ADGRL3: variants seen among roughly 807,000 people sequenced by gnomAD.
ADGRL3 encodes the protein adhesion G protein-coupled receptor L3.
In ADGRL3, 62 loss-of-function variants were observed where a neutral mutation model predicts 153.5. The ratio of observed to expected loss-of-function variants is 0.40; its 90% CI spans 0.33 to 0.50. ADGRL3 has a LOEUF of 0.50. ADGRL3 is among the 20% of genes least tolerant of loss of function. ADGRL3 has a pLI of 0.47. For synonymous variants in ADGRL3, 710 were observed against 672.5 expected, an observed-to-expected ratio of 1.06 and a Z score of -0.86; for missense variants, 1,641 against 1,859.4, an observed-to-expected ratio of 0.88 and a Z score of 2.16.
rs547289750 is a variant in ADGRL3, at chr4:61,743,179, G to A, written c.1399+9625G>A. On this transcript the variant is annotated intron_variant, in intron 8 of 26. Transcript: ENST00000683033. Reference sequence around the variant, plus strand: ...ATTAAAAATACGAAAAATTAGCTGGGAGTGGTGGTGGGTGCCTGTAGTCCT... The same window carrying A: ...ATTAAAAATACGAAAAATTAGCTGGAAGTGGTGGTGGGTGCCTGTAGTCCT... Among the ~76,000 whole-genome samples the A allele has an allele frequency of 5.7e-4, 86 of 151,862 alleles. 1 individual carries two copies. Among genetic ancestry groups the A allele is most frequent in the Non-Finnish European group, 1.1e-3 (72 of 67,916 alleles).
chr4:61,806,227 T>G (rs1187441002), intron 8 of ADGRL3, among the ~76,000 whole-genome samples: 1 of 152,134 alleles, frequency 6.6e-6, no homozygotes, highest in African/African-American at 2.4e-5. Context: ...TGTTTTCATT[T>G]AGGTTACTAT....
chr4:61,228,972 G>C (rs1391710858), intron 1 of ADGRL3, among the ~76,000 whole-genome samples: 1 of 152,142 alleles, frequency 6.6e-6, no homozygotes, highest in East Asian at 1.9e-4. Context: ...AATTACAGGC[G>C]TGAGCCACCA....
At chr4:61,464,416 T>C (rs956755533) in intron 2 of ADGRL3, among the ~76,000 whole-genome samples, 5 of 152,212 alleles carry the variant, frequency 3.3e-5, no homozygotes, top group African/African-American at 1.2e-4. Flanking sequence ...ACATGCTAAA[T>C]CAGGCTCCCT....
intron 13 of ADGRL3, among the ~76,000 whole-genome samples, chr4:61,922,093 A>G (rs1018558632): frequency 6.6e-6 from 1 of 152,248 alleles, no homozygotes; most frequent in Admixed American, 6.5e-5. Flanking sequence ...AAAATAAACA[A>G]GCAAGCCAAA....
intron 1 of ADGRL3, among the ~76,000 whole-genome samples, chr4:61,348,079 T>G (rs2095961083): frequency 6.6e-6 from 1 of 151,964 alleles, no homozygotes; most frequent in Non-Finnish European, 1.5e-5. Flanking sequence ...TTAGCACTTT[T>G]CAAACTTATA....
At chr4:61,306,319 C>T (rs978152288) in intron 1 of ADGRL3, among the ~76,000 whole-genome samples, 1 of 151,980 alleles carries the variant, frequency 6.6e-6, no homozygotes, top group Non-Finnish European at 1.5e-5. Context: ...AGGATGGTCT[C>T]AAACTCCTGA....
chr4:61,875,082 A>G (rs1248486182), intron 9 of ADGRL3, among the ~76,000 whole-genome samples: 1 of 151,672 alleles, frequency 6.6e-6, no homozygotes, highest in East Asian at 1.9e-4. Flanking sequence ...TGCTGGGATT[A>G]CAGGCGTGAG....
intron 1 of ADGRL3, among the ~76,000 whole-genome samples, chr4:61,289,789 C>G (rs1267405046): frequency 6.6e-6 from 1 of 152,042 alleles, no homozygotes; most frequent in Non-Finnish European, 1.5e-5. Context: ...TAAGAGGACA[C>G]TAAAGGCAGA....
intron 2 of ADGRL3, among the ~76,000 whole-genome samples, chr4:61,444,763 C>T (rs2152488096): frequency 6.6e-6 from 1 of 152,150 alleles, no homozygotes; most frequent in African/African-American, 2.4e-5. Flanking sequence ...ATTAAGAATG[C>T]TTATACTGGC....
At chr4:61,334,977 AAAG>A (rs1318705928) in intron 1 of ADGRL3, among the ~76,000 whole-genome samples, 22 of 152,132 alleles carry the variant, frequency 1.4e-4, no homozygotes, top group Non-Finnish European at 2.5e-4. Context: ...TCATTAAACA[AAAG>A]AAGAACTATA....
At chr4:61,219,372 C>T (rs576697557) in intron 1 of ADGRL3, among the ~76,000 whole-genome samples, 30 of 152,240 alleles carry the variant, frequency 2.0e-4, no homozygotes, top group African/African-American at 6.0e-4. Context: ...AGACCTGTAA[C>T]GTAACTAGAA....
rs181554052 is a variant in ADGRL3, at chr4:61,824,184, A to G, written c.1480+10295A>G. Among the ~76,000 whole-genome samples the G allele has an allele frequency of 2.1e-3, 322 of 152,366 alleles. 2 individuals are homozygous for G. Among genetic ancestry groups the G allele is most frequent in the African/African-American group, 7.1e-3 (295 of 41,594 alleles). On this transcript the variant is annotated intron_variant, in intron 9 of 26. Transcript: ENST00000683033. Reference sequence around the variant, plus strand: ...TATTTATTCATCTTAAGAATGCAATATGACACAAGTAGTTTGAAGACATAT... The same window carrying G: ...TATTTATTCATCTTAAGAATGCAATGTGACACAAGTAGTTTGAAGACATAT...
intron 1 of ADGRL3, among the ~76,000 whole-genome samples, chr4:61,366,057 G>A (rs565474101): frequency 1.2e-4 from 19 of 152,208 alleles, no homozygotes; most frequent in African/African-American, 2.6e-4. Context: ...AAATGTTTAG[G>A]TATTCTGTGA....
At chr4:61,956,049 C>T (rs530109473) in intron 17 of ADGRL3, among the ~76,000 whole-genome samples, 10 of 152,120 alleles carry the variant, frequency 6.6e-5, no homozygotes, top group Admixed American at 3.9e-4. Flanking sequence ...TGGGTATATA[C>T]CCAGTAATGG....
chr4:61,598,871 G>C (rs966575569), intron 5 of ADGRL3, among the ~76,000 whole-genome samples: 3 of 152,072 alleles, frequency 2.0e-5, no homozygotes, highest in African/African-American at 7.2e-5. Flanking sequence ...TGATAGAGCA[G>C]ACATAATTAT....
intron 1 of ADGRL3, among the ~76,000 whole-genome samples, chr4:61,218,114 C>T (rs1743707019): frequency 6.6e-6 from 1 of 151,990 alleles, no homozygotes; most frequent in South Asian, 2.1e-4. Flanking sequence ...TTATTTAATA[C>T]TAATAAAATA....
At chr4:61,216,983 G>T (rs1743086772) in intron 1 of ADGRL3, among the ~76,000 whole-genome samples, 1 of 152,004 alleles carries the variant, frequency 6.6e-6, no homozygotes, top group Non-Finnish European at 1.5e-5. Flanking sequence ...TTCCTAAGTG[G>T]GTCTTTAAAT....
intron 1 of ADGRL3, among the ~76,000 whole-genome samples, chr4:61,321,481 A>T (rs2095354436): frequency 6.6e-6 from 1 of 151,888 alleles, no homozygotes; most frequent in African/African-American, 2.4e-5. Flanking sequence ...TATAACAGTC[A>T]TATGTTGCTT....
intron 22 of ADGRL3, 90 bp downstream of exon 22, chr4:62,028,971 C>A: frequency 8.7e-7 from 1 of 1,149,486 alleles, no homozygotes; most frequent in Non-Finnish European, 1.3e-6. Flanking sequence ...ATCATTAGAG[C>A]TTCTGTCATT....
Sources: allele counts gnomAD v4.1 joint callset (sites outside exome capture counted in the v4.1 genomes callset), GRCh38; gene constraint gnomAD v4.1.1; transcripts MANE v1.5; gene names NCBI Gene and HGNC (gene_info 2026-07-23, HGNC 2026-07-21).